RAP1B: variants seen among roughly 807,000 people sequenced by gnomAD.
The protein encoded by RAP1B is RAP1B, member of RAS oncogene family.
RAP1B carries 1 observed loss-of-function variant against 27.5 expected under a neutral mutation model. That is an observed-to-expected ratio of 0.04 (90% confidence interval 0.01 to 0.17). RAP1B has a LOEUF of 0.17. RAP1B is among the 10% of genes least tolerant of loss of function. RAP1B has a pLI of 1.00. For synonymous variants in RAP1B, 75 were observed against 73.1 expected (o/e 1.03, Z -0.13); for missense variants, 84 against 214.8 (o/e 0.39, Z 3.81).
At chr12:68,629,620 T>C (rs1162241747) in intron 1 of RAP1B, among the ~76,000 whole-genome samples, 1 of 152,228 alleles carries the variant, frequency 6.6e-6, no homozygotes, top group Non-Finnish European at 1.5e-5. Context: ...TTAAAGTTTT[T>C]ATATGTACTG....
chr12:68,622,132 G>A (rs1353643084), intron 1 of RAP1B, among the ~76,000 whole-genome samples: 1 of 152,186 alleles, frequency 6.6e-6, no homozygotes, highest in Admixed American at 6.5e-5. Context: ...CTTTGAACAA[G>A]TTAACTCCTC....
At chr12:68,659,221 C>G in intron 7 of RAP1B, 59 bp from the exon 8 acceptor site, 1 of 455,430 alleles carries the variant, frequency 2.2e-6, no homozygotes, top group East Asian at 7.0e-5. Flanking sequence ...TAACTGTTTG[C>G]TTTTGGGTCT....
At chr12:68,653,932 A>G (rs1336095045) in intron 4 of RAP1B, among the ~76,000 whole-genome samples, 180 bp from the exon 5 acceptor site, 1 of 152,040 alleles carries the variant, frequency 6.6e-6, no homozygotes, top group Non-Finnish European at 1.5e-5. Flanking sequence ...TCCGTCTCAA[A>G]AAAAAAAAGA....
In RAP1B at chr12:68,611,346, A is replaced by AC. The variant is rs1417698746; in HGVS notation, c.-27+310dup. ...TGGCGGAGGAAGTGAGAGCCCGAGG[A>AC]CCCCCCCACCCGCCCGCTCTCTTCA... is the stretch of plus-strand genomic sequence containing the variant. On this transcript the variant is annotated intron_variant, in intron 1 of 7. Coordinates refer to ENST00000250559, the MANE Select transcript of RAP1B (RefSeq NM_001010942.3). Among the ~76,000 whole-genome samples the AC allele has an allele frequency of 1.8e-3, 208 of 113,450 alleles. 1 individual carries two copies. The highest frequency in any genetic ancestry group is 2.9e-3 in the Non-Finnish European group (155 of 54,168). 74.4% of individuals were successfully genotyped at this position (113,450 alleles called of 152,430 possible). A position where few individuals can be genotyped will look rare whatever the true frequency, so the allele number is the denominator to read the frequency against.
chr12:68,627,168 C>T (rs909530519), intron 1 of RAP1B: 13 of 1,559,056 alleles, frequency 8.3e-6, no homozygotes, highest in Middle Eastern at 2.2e-4. Flanking sequence ...AAAGGCACCT[C>T]GCATGCCTGT....
chr12:68,654,081 G>A, intron 4 of RAP1B, 31 bp from the exon 5 acceptor site: 1 of 1,542,062 alleles, frequency 6.5e-7, no homozygotes, highest in Non-Finnish European at 8.9e-7. Context: ...AAACATTATT[G>A]TTTTTTAACG....
intron 1 of RAP1B, among the ~76,000 whole-genome samples, chr12:68,622,870 C>G (rs1871481100): frequency 6.6e-6 from 1 of 152,106 alleles, no homozygotes; most frequent in Non-Finnish European, 1.5e-5. Flanking sequence ...TGGTTTTTTT[C>G]TTCACTCTTT....
chr12:68,637,085 A>T (rs1213337203), intron 1 of RAP1B, among the ~76,000 whole-genome samples: 1 of 152,238 alleles, frequency 6.6e-6, no homozygotes, highest in African/African-American at 2.4e-5. Flanking sequence ...TCTTCTTTTA[A>T]AAGTCTATAT....
chr12:68,648,570 G>A (rs1873585189), intron 1 of RAP1B, 129 bp from the exon 2 acceptor site: 1 of 691,984 alleles, frequency 1.4e-6, no homozygotes. Context: ...TGCTTATAGG[G>A]TGCTCCATAC....
At chr12:68,613,944 C>T (rs944995736) in intron 1 of RAP1B, among the ~76,000 whole-genome samples, 4 of 152,172 alleles carry the variant, frequency 2.6e-5, no homozygotes, top group Non-Finnish European at 4.4e-5. Flanking sequence ...GGTAAAGTGA[C>T]CCCCTCCCAT....
rs1232372176 is a variant in RAP1B at position 68,610,952 on chromosome 12, G to A, written c.-118G>A. On this transcript the variant is annotated 5_prime_UTR_variant, in exon 1 of 8. Coordinates refer to ENST00000250559, the MANE Select transcript of RAP1B (RefSeq NM_001010942.3). The stretch of plus-strand genomic sequence containing the variant: ...GCGTGTAAACCAGCCGGAGCGGCGC[G>A]GCAGCGGCAGGACCGCCGTGGCGCC... The A allele has an allele frequency of 6.4e-6, 2 of 312,184 alleles. No homozygotes were observed. The highest frequency in any genetic ancestry group is 1.2e-5 in the Non-Finnish European group (2 of 169,688). 19.3% of individuals were successfully genotyped at this position (312,184 alleles called of 1,614,324 possible). A position where few individuals can be genotyped will look rare whatever the true frequency, so the allele number is the denominator to read the frequency against.
chr12:68,612,791 T>C (rs1176640553), intron 1 of RAP1B, among the ~76,000 whole-genome samples: 1 of 152,236 alleles, frequency 6.6e-6, no homozygotes, highest in African/African-American at 2.4e-5. Flanking sequence ...TTTTAATGTG[T>C]ACTACGTTAG....
chr12:68,629,047 A>G (rs938876269), intron 1 of RAP1B, among the ~76,000 whole-genome samples: 2 of 151,936 alleles, frequency 1.3e-5, no homozygotes, highest in Non-Finnish European at 2.9e-5. Flanking sequence ...CTATTTTGAG[A>G]CAAGTCTCAC....
rs1874920100 is a variant in RAP1B at position 68,667,914 on chromosome 12, C to T, written c.*8665C>T. On this transcript the variant is annotated 3_prime_UTR_variant, in exon 8 of 8. Transcript: ENST00000250559. ...CTGGTAATTACTATTTAGCAAACAG[C>T]TAACAGCTAGCTCTTAATTTTTCAG... 1 of 152,186 alleles carries T rather than the reference C, an allele frequency of 6.6e-6. No individual in the cohort carries two copies. The highest frequency in any genetic ancestry group is 2.4e-5 in the African/African-American group (1 of 41,452). The allele number at this position is 152,186 out of a possible 1,614,324, so 9.4% of individuals were successfully genotyped here. A position where few individuals can be genotyped will look rare whatever the true frequency, so the allele number is the denominator to read the frequency against.
chr12:68,658,968 T>C (rs1874426498), intron 7 of RAP1B, among the ~76,000 whole-genome samples: 2 of 152,242 alleles, frequency 1.3e-5, no homozygotes, highest in African/African-American at 4.8e-5. Flanking sequence ...TGACTAACAA[T>C]TTTAATGTGA....
intron 7 of RAP1B, among the ~76,000 whole-genome samples, chr12:68,657,996 T>C (rs1370447041): frequency 6.6e-6 from 1 of 152,158 alleles, no homozygotes; most frequent in Non-Finnish European, 1.5e-5. Flanking sequence ...AGGTGTACCA[T>C]GGGGTTTGCT....
At chr12:68,646,013 C>T (rs1873378464) in intron 1 of RAP1B, among the ~76,000 whole-genome samples, 1 of 152,108 alleles carries the variant, frequency 6.6e-6, no homozygotes, top group African/African-American at 2.4e-5. Flanking sequence ...ATGAACCTGA[C>T]TCATTCTAGC....
chr12:68,655,216 G>A (rs1317079157), intron 5 of RAP1B, among the ~76,000 whole-genome samples: 1 of 152,150 alleles, frequency 6.6e-6, no homozygotes, highest in African/African-American at 2.4e-5. Flanking sequence ...TATTTGGGAG[G>A]CTGAGGTGGG....
At chr12:68,656,770 A>G (rs893083556) in intron 6 of RAP1B, 2 of 527,916 alleles carry the variant, frequency 3.8e-6, no homozygotes, top group Non-Finnish European at 3.3e-6. Flanking sequence ...AAAAGTATGC[A>G]TGGTTCTTGA....
Sources: allele counts gnomAD v4.1 joint callset (sites outside exome capture counted in the v4.1 genomes callset), GRCh38; gene constraint gnomAD v4.1.1; transcripts MANE v1.5; gene names NCBI Gene and HGNC (gene_info 2026-07-23, HGNC 2026-07-21).